ADAMTSL1: variants seen among roughly 807,000 people sequenced by gnomAD.
ADAMTSL1 encodes ADAMTS like 1.
ADAMTSL1 carries 126 observed loss-of-function variants against 201.8 expected under a neutral mutation model. That is an observed-to-expected ratio of 0.62 (90% CI 0.54 to 0.72). ADAMTSL1 has a LOEUF of 0.72. ADAMTSL1 is among the 30% of genes least tolerant of loss of function. ADAMTSL1 has a pLI of 0.00. For synonymous variants in ADAMTSL1, 1,121 were observed against 903.4 expected, an observed-to-expected ratio of 1.24 and a Z score of -4.32; for missense variants, 2,679 against 2,277.8, an observed-to-expected ratio of 1.18 and a Z score of -3.59.
chr9:18,887,885 A>G lies in ADAMTSL1; in HGVS notation c.4304A>G (p.Gln1435Arg), dbSNP rs200913104. The change falls in exon 24 of 29, where the codon CAG (glutamine) becomes CGG (arginine). Residue 1435 changes from glutamine to arginine, a missense_variant. Gln to Arg is a conservative substitution (Grantham distance 43). Transcript: ENST00000380548. ...AATATCACCTGGTTTCATGGTGGTCAGCCAATTGTCACTGCCACAGGACTG... is the reference window on the plus strand; with the variant it reads ...AATATCACCTGGTTTCATGGTGGTCGGCCAATTGTCACTGCCACAGGACTG... ...VPNITWFHGG[Q>R]PIVTATGLTH... 122 of 1,614,000 alleles carry G rather than the reference A, an allele frequency of 7.6e-5. No individual in the cohort carries two copies. In the East Asian group the frequency reaches 2.7e-3, roughly 36 times the overall value.
intron 1 of ADAMTSL1, among the ~76,000 whole-genome samples, chr9:18,112,932 G>A (rs930339970): frequency 3.3e-5 from 5 of 152,138 alleles, no homozygotes; most frequent in African/African-American, 1.2e-4. Flanking sequence ...TCATTTGTAT[G>A]TGGCTTGAAC....
intron 1 of ADAMTSL1, among the ~76,000 whole-genome samples, chr9:17,970,304 C>T (rs1348017985): frequency 3.3e-5 from 5 of 152,162 alleles, no homozygotes; most frequent in South Asian, 2.1e-4. Flanking sequence ...CTCCTATCTA[C>T]CCCAACTGCC....
At chr9:18,386,746 T>G (rs1375528376) in intron 2 of ADAMTSL1, among the ~76,000 whole-genome samples, 1 of 152,160 alleles carries the variant, frequency 6.6e-6, no homozygotes, top group Non-Finnish European at 1.5e-5. Flanking sequence ...TATGTTTCCC[T>G]GTTTAACATT....
chr9:18,606,006 A>C (rs897705327), intron 4 of ADAMTSL1, among the ~76,000 whole-genome samples: 8 of 152,160 alleles, frequency 5.3e-5, no homozygotes, highest in Non-Finnish European at 1.0e-4. Flanking sequence ...TGCGTGGTAC[A>C]AACCAAAAGT....
At chr9:18,767,124 G>T (rs1211028623) in intron 16 of ADAMTSL1, among the ~76,000 whole-genome samples, 6 of 152,110 alleles carry the variant, frequency 3.9e-5, no homozygotes, top group African/African-American at 2.4e-5. Flanking sequence ...TTTGGGATGA[G>T]GTTGGAAGGG....
chr9:18,473,961 C>G, upstream of ADAMTSL1: 1 of 429,334 alleles, frequency 2.3e-6, no homozygotes, highest in Non-Finnish European at 4.1e-6. Context: ...TTGCTCGCAC[C>G]GTTACACTTT....
At chr9:18,701,588 C>T (rs532473662) in intron 13 of ADAMTSL1, among the ~76,000 whole-genome samples, 1 of 152,262 alleles carries the variant, frequency 6.6e-6, no homozygotes, top group South Asian at 2.1e-4. Flanking sequence ...ACTGTCATGC[C>T]ACCACTCACA....
At chr9:17,945,707 A>G (rs1406477992) in intron 1 of ADAMTSL1, among the ~76,000 whole-genome samples, 7 of 152,000 alleles carry the variant, frequency 4.6e-5, no homozygotes, top group South Asian at 4.2e-4. Context: ...TCAGTAAACT[A>G]TCGCAAGAAC....
chr9:18,680,273 T>C (rs1830383290), intron 10 of ADAMTSL1, 39 bp from the exon 11 acceptor site: 2 of 1,594,018 alleles, frequency 1.3e-6, no homozygotes, highest in South Asian at 1.1e-5. Flanking sequence ...GGCTTAGCAA[T>C]GTGCATGTCT....
At chr9:18,756,617 A>T (rs1479456294) in intron 16 of ADAMTSL1, among the ~76,000 whole-genome samples, 1 of 152,122 alleles carries the variant, frequency 6.6e-6, no homozygotes, top group African/African-American at 2.4e-5. Context: ...CTTGGTGTAC[A>T]CTCACCTGGT....
chr9:18,870,466 T>C (rs977745157), intron 23 of ADAMTSL1, among the ~76,000 whole-genome samples: 10 of 152,252 alleles, frequency 6.6e-5, no homozygotes, highest in African/African-American at 2.4e-4. Flanking sequence ...TTCTACCTGC[T>C]GCTCTTTTGC....
intron 2 of ADAMTSL1, among the ~76,000 whole-genome samples, chr9:18,236,509 G>C (rs1554643325): frequency 6.6e-6 from 1 of 152,192 alleles, no homozygotes; most frequent in Non-Finnish European, 1.5e-5. Flanking sequence ...TGTTTCATCT[G>C]CAGTAGTACA....
At chr9:18,766,888 G>T (rs1820397677) in intron 16 of ADAMTSL1, among the ~76,000 whole-genome samples, 2 of 152,166 alleles carry the variant, frequency 1.3e-5, no homozygotes, top group South Asian at 4.1e-4. Flanking sequence ...CAGACATTCA[G>T]ACCAAAGCAC....
At chr9:17,926,814 G>C (rs535531517) in intron 1 of ADAMTSL1, among the ~76,000 whole-genome samples, 1 of 152,242 alleles carries the variant, frequency 6.6e-6, no homozygotes, top group South Asian at 2.1e-4. Flanking sequence ...GTGTGTCTAT[G>C]TGTACAGAGA....
intron 2 of ADAMTSL1, among the ~76,000 whole-genome samples, chr9:18,407,197 G>A (rs147871623): frequency 2.4e-4 from 36 of 151,758 alleles, no homozygotes; most frequent in African/African-American, 8.7e-4. Context: ...AAGCTGCCTG[G>A]GGTTCTCACA....
intron 1 of ADAMTSL1, among the ~76,000 whole-genome samples, chr9:18,073,361 A>G (rs748958613): frequency 3.3e-5 from 5 of 152,190 alleles, no homozygotes; most frequent in Admixed American, 6.5e-5. Context: ...ACTTGATCGC[A>G]TGGACTCCTG....
intron 2 of ADAMTSL1, among the ~76,000 whole-genome samples, chr9:18,371,855 CG>C (rs1563918901): frequency 6.6e-6 from 1 of 152,092 alleles, no homozygotes; most frequent in African/African-American, 2.4e-5. Context: ...ATAAATAAAA[CG>C]AAGTTTCTTC....
At chr9:18,742,866 A>T (rs539563385) in intron 15 of ADAMTSL1, among the ~76,000 whole-genome samples, 1 of 152,330 alleles carries the variant, frequency 6.6e-6, no homozygotes, top group South Asian at 2.1e-4. Context: ...GAAGAAACAC[A>T]ACAATAGAGG....
intron 1 of ADAMTSL1, among the ~76,000 whole-genome samples, chr9:18,006,462 A>G (rs1819831716): frequency 6.6e-6 from 1 of 151,988 alleles, no homozygotes; most frequent in Admixed American, 6.6e-5. Context: ...TCTGACAGGA[A>G]GATTCTTGTG....
Sources: allele counts gnomAD v4.1 joint callset (sites outside exome capture counted in the v4.1 genomes callset), GRCh38; gene constraint gnomAD v4.1.1; transcripts MANE v1.5; gene names NCBI Gene and HGNC (gene_info 2026-07-23, HGNC 2026-07-21).